The following BAZ1B variants were observed in gnomAD, a reference collection of about 807,000 sequenced individuals.
BAZ1B encodes the protein tyrosine-protein kinase BAZ1B.
Under a neutral mutation model 153.8 loss-of-function variants are expected in BAZ1B, and 22 were observed. That is an observed-to-expected ratio of 0.14 (90% CI 0.10 to 0.20). The LOEUF (loss-of-function observed/expected upper bound fraction) is 0.20, where lower values mean the gene tolerates loss of function less well. Ranked by LOEUF, BAZ1B falls within the 10% of genes least tolerant of loss-of-function variation. The pLI, the probability that BAZ1B is intolerant of heterozygous loss-of-function variation, is 1.00. For synonymous variants in BAZ1B, 676 were observed against 633.4 expected, an observed-to-expected ratio of 1.07 and a Z score of -1.01; for missense variants, 1,325 against 1,799.3, an observed-to-expected ratio of 0.74 and a Z score of 4.77.
chr7:73,514,894 A>G (rs1790734156), intron 1 of BAZ1B, among the ~76,000 whole-genome samples: 1 of 151,992 alleles, frequency 6.6e-6, no homozygotes, highest in Non-Finnish European at 1.5e-5. Context: ...AGCCTGGCCA[A>G]GATGGTGAAA....
At position 73,458,674 on chromosome 7, in the gene BAZ1B, C is replaced by CAAA. The variant is rs11385760; in HGVS notation, c.3432+859_3432+861dup. 2.2e-4 allele frequency among the ~76,000 whole-genome samples: 29 copies of CAAA among 133,840 alleles called. No homozygotes were observed. In the East Asian group the frequency reaches 3.0e-3, roughly 14 times the overall value. The allele number at this position is 133,840 out of a possible 152,430, so 87.8% of individuals were successfully genotyped here. On this transcript the variant is annotated intron_variant, in intron 13 of 19. Transcript: ENST00000339594. ...CTAGGCAAGAGTGGGACTCTTTCTC[C>CAAA]AAAAAAAAAAAAAAAAGTAAATTTG... is the stretch of plus-strand genomic sequence containing the variant.
intron 15 of BAZ1B, 60 bp downstream of exon 15, chr7:73,449,482 T>C: frequency 6.5e-7 from 1 of 1,529,614 alleles, no homozygotes; most frequent in Non-Finnish European, 8.8e-7. Context: ...AACTCAAGCT[T>C]AATTATAACA....
intron 16 of BAZ1B, among the ~76,000 whole-genome samples, chr7:73,445,713 A>G (rs1298535609): frequency 6.6e-6 from 1 of 152,106 alleles, no homozygotes; most frequent in Non-Finnish European, 1.5e-5. Flanking sequence ...TCTACAAAAA[A>G]GCCGGGCATG....
In BAZ1B at chr7:73,521,942, C is replaced by G; in HGVS notation, c.-9G>C. On this transcript the variant is annotated 5_prime_UTR_variant, in exon 1 of 20. Transcript: ENST00000339594. ...CCCAGGAGCGGCGCCATCGCGGCGGCGGCGGTGGGGACTGGCGGCTGCTGG... is the reference window on the plus strand; with the variant it reads ...CCCAGGAGCGGCGCCATCGCGGCGGGGGCGGTGGGGACTGGCGGCTGCTGG... 7.0e-7 allele frequency: 1 copy of G among 1,438,544 alleles called. No homozygotes were observed. 89.1% of individuals were successfully genotyped at this position (1,438,544 alleles called of 1,614,324 possible). A position where few individuals can be genotyped will look rare whatever the true frequency, so the allele number is the denominator to read the frequency against.
chr7:73,505,598 T>C (rs1316366334), intron 3 of BAZ1B, among the ~76,000 whole-genome samples: 5 of 151,556 alleles, frequency 3.3e-5, no homozygotes, highest in African/African-American at 2.4e-5. Flanking sequence ...TCAAGCATGA[T>C]GGAGAAGCAA....
chr7:73,463,438 C>CTATGTTG (rs1788465851), intron 11 of BAZ1B, among the ~76,000 whole-genome samples: 1 of 151,908 alleles, frequency 6.6e-6, no homozygotes, highest in Admixed American at 6.6e-5. Context: ...TGGGGTCTTG[C>CTATGTTG]TATGTTGCCC....
rs1399215365 is a variant in BAZ1B at position 73,450,665 on chromosome 7, C to A, written c.3580+182G>T. 6.6e-6 allele frequency among the ~76,000 whole-genome samples: 1 copy of A among 152,062 alleles called. No homozygotes were observed. The highest frequency in any genetic ancestry group is 1.5e-5 in the Non-Finnish European group (1 of 68,022). ...TGCTCTAAACCGAGGAACAAAGGGC[C>A]TGCTCTGATTCCCTGGCACGACATT... On this transcript the variant is annotated intron_variant, in intron 14 of 19. Coordinates refer to ENST00000339594, the MANE Select transcript of BAZ1B (RefSeq NM_032408.4). The surrounding 1 kb of genome is among the most constrained non-coding windows in gnomAD (Gnocchi z 4.1).
In BAZ1B at chr7:73,478,121, G is replaced by T; in HGVS notation, c.1340C>A (p.Thr447Lys). 2 of 1,614,176 alleles carry T rather than the reference G, an allele frequency of 1.2e-6. No individual in the cohort carries two copies. The highest frequency in any genetic ancestry group is 2.2e-5 in the South Asian group (2 of 91,088). ...QMTLLDMAKGTQKMTRAPRNS... is the reference protein window; with the variant it reads ...QMTLLDMAKGKQKMTRAPRNS... ...CCGTGGGGCTCGTGTCATCTTCTGC[G>T]TGCCTTTGGCCATATCCAACAAAGT... Residue 447 changes from threonine (T) to lysine (K), a missense_variant, in exon 7 of 20, where the codon ACG (threonine) becomes AAG (lysine). This residue lies in a region of BAZ1B where 219 missense variants were observed against 248.2 expected (regional missense o/e 0.88). Transcript: ENST00000339594.
chr7:73,494,442 C>T (rs1438979901), intron 4 of BAZ1B, among the ~76,000 whole-genome samples: 2 of 151,996 alleles, frequency 1.3e-5, no homozygotes, highest in African/African-American at 4.8e-5. Flanking sequence ...TTGGAAGATA[C>T]AATGCTAAAC....
intron 1 of BAZ1B, among the ~76,000 whole-genome samples, chr7:73,511,357 C>T (rs1554578575): frequency 6.6e-6 from 1 of 151,970 alleles, no homozygotes; most frequent in Non-Finnish European, 1.5e-5. Flanking sequence ...AATGGATTGT[C>T]ATGGGCTGGG....
chr7:73,463,149 T>C, intron 11 of BAZ1B, 50 bp from the exon 12 acceptor site: 1 of 1,473,970 alleles, frequency 6.8e-7, no homozygotes, highest in Non-Finnish European at 9.2e-7. Context: ...CTTTTGAAGA[T>C]GTTCTTCAAA....
intron 2 of BAZ1B, among the ~76,000 whole-genome samples, chr7:73,510,371 G>C (rs1384420552): frequency 6.6e-6 from 1 of 152,040 alleles, no homozygotes; most frequent in Non-Finnish European, 1.5e-5. Context: ...GGAGCTTGCA[G>C]TGAGCCGAGA....
intron 11 of BAZ1B, 39 bp downstream of exon 11, chr7:73,465,400 G>C: frequency 2.3e-6 from 3 of 1,325,720 alleles, no homozygotes; most frequent in South Asian, 1.5e-5. Flanking sequence ...CAATGCTAAA[G>C]AGAAGTAAGA....
At chr7:73,444,825 ACC>A (rs1554566056) in intron 16 of BAZ1B, among the ~76,000 whole-genome samples, 46 of 151,514 alleles carry the variant, frequency 3.0e-4, no homozygotes, top group African/African-American at 1.0e-3. Flanking sequence ...GACCAGCCTG[ACC>A]AACATGGTGA....
intron 1 of BAZ1B, among the ~76,000 whole-genome samples, chr7:73,514,659 A>C (rs1368517188): frequency 2.6e-5 from 4 of 151,988 alleles, no homozygotes; most frequent in Non-Finnish European, 5.9e-5. Flanking sequence ...AAAAAAAATT[A>C]GTTGAATGTG....
intron 5 of BAZ1B, among the ~76,000 whole-genome samples, chr7:73,492,381 C>G (rs1421420706): frequency 6.6e-6 from 1 of 152,142 alleles, no homozygotes; most frequent in African/African-American, 2.4e-5. Flanking sequence ...CCGGGATGGT[C>G]TCGATCTCCT....
intron 13 of BAZ1B, among the ~76,000 whole-genome samples, chr7:73,458,619 T>C (rs1156376521): frequency 6.8e-6 from 1 of 147,542 alleles, no homozygotes; most frequent in Non-Finnish European, 1.5e-5. Context: ...GAGGTTGCAG[T>C]GAGCTGAGAT....
At chr7:73,496,467 T>C (rs1425150551) in intron 4 of BAZ1B, among the ~76,000 whole-genome samples, 2 of 152,230 alleles carry the variant, frequency 1.3e-5, no homozygotes, top group African/African-American at 4.8e-5. Flanking sequence ...CACATTCTAA[T>C]GCAAAGTTTG....
intron 6 of BAZ1B, among the ~76,000 whole-genome samples, chr7:73,487,836 T>A (rs562035279): frequency 6.6e-6 from 1 of 152,310 alleles, no homozygotes; most frequent in South Asian, 2.1e-4. Context: ...CTTTCTAAAT[T>A]TTTCCTTTTA....
Sources: allele counts gnomAD v4.1 joint callset (sites outside exome capture counted in the v4.1 genomes callset), GRCh38; gene constraint gnomAD v4.1.1; regional missense constraint gnomAD v4.1.1; non-coding constraint Gnocchi (gnomAD v3.1); transcripts MANE v1.5; gene names NCBI Gene and HGNC (gene_info 2026-07-23, HGNC 2026-07-21).